The following ZNF532 variants were observed in gnomAD, a reference collection of about 807,000 sequenced individuals.
ZNF532 encodes the protein zinc finger protein 532.
ZNF532 carries 22 observed loss-of-function variants against 89.3 expected under a neutral mutation model. The ratio of observed to expected loss-of-function variants is 0.25; its 90% CI spans 0.18 to 0.35. The LOEUF (loss-of-function observed/expected upper bound fraction) is 0.35. Ranked by LOEUF, ZNF532 falls within the 10% of genes least tolerant of loss-of-function variation. The pLI is 1.00. For missense variants in ZNF532, 1,132 were observed against 1,643.4 expected (o/e 0.69, Z 5.38); for synonymous variants, 606 against 649.6 (o/e 0.93, Z 1.02).
intron 7 of ZNF532, among the ~76,000 whole-genome samples, chr18:58,977,161 A>G (rs1365818930): frequency 1.3e-5 from 2 of 152,206 alleles, no homozygotes; most frequent in Non-Finnish European, 2.9e-5. Flanking sequence ...TTTGGATTCA[A>G]GACCCTTTTG....
At chr18:58,933,467 A>G (rs2062123917) in intron 3 of ZNF532, among the ~76,000 whole-genome samples, 1 of 152,186 alleles carries the variant, frequency 6.6e-6, no homozygotes, top group African/African-American at 2.4e-5. Context: ...GCAAGAATCT[A>G]TATTTTGAGA....
At chr18:58,978,347 AGAGATT>A (rs2067291156) in intron 7 of ZNF532, among the ~76,000 whole-genome samples, 4 of 152,204 alleles carry the variant, frequency 2.6e-5, no homozygotes, top group Admixed American at 2.6e-4. Flanking sequence ...AAGGGTAGCC[AGAGATT>A]TCATTTAACA....
At chr18:58,957,924 G>A (rs2064958575) in intron 7 of ZNF532, among the ~76,000 whole-genome samples, 1 of 152,114 alleles carries the variant, frequency 6.6e-6, no homozygotes, top group South Asian at 2.1e-4. Context: ...AATGAGCTGG[G>A]CATAGTGGCA....
At chr18:58,866,589 A>C (rs945194977) in intron 2 of ZNF532, among the ~76,000 whole-genome samples, 1 of 152,160 alleles carries the variant, frequency 6.6e-6, no homozygotes, top group African/African-American at 2.4e-5. Context: ...CTGAAAATAA[A>C]ATTTTCCCCT....
At chr18:58,890,277 T>C (rs1018648688) in intron 2 of ZNF532, among the ~76,000 whole-genome samples, 2 of 151,642 alleles carry the variant, frequency 1.3e-5, no homozygotes, top group Non-Finnish European at 2.9e-5. Flanking sequence ...CACATACATA[T>C]ATATATATAC....
At chr18:58,908,347 A>G (rs1248476514) in intron 2 of ZNF532, among the ~76,000 whole-genome samples, 3 of 152,326 alleles carry the variant, frequency 2.0e-5, no homozygotes, top group African/African-American at 2.4e-5. Flanking sequence ...TCCATAGACA[A>G]TTTATTTCAG....
At chr18:58,971,994 A>G (rs2066518353) in intron 7 of ZNF532, among the ~76,000 whole-genome samples, 1 of 152,182 alleles carries the variant, frequency 6.6e-6, no homozygotes, top group Non-Finnish European at 1.5e-5. Context: ...ACCTGAGGTA[A>G]GAAGTTTGAG....
At chr18:58,869,566 T>A (rs2056790313) in intron 2 of ZNF532, among the ~76,000 whole-genome samples, 2 of 152,224 alleles carry the variant, frequency 1.3e-5, no homozygotes, top group Admixed American at 1.3e-4. Flanking sequence ...GTTGAAATCT[T>A]AGTTGTGTGT....
chr18:58,876,525 C>T (rs1204341795), intron 2 of ZNF532, among the ~76,000 whole-genome samples: 1 of 152,144 alleles, frequency 6.6e-6, no homozygotes, highest in Non-Finnish European at 1.5e-5. Flanking sequence ...TTTTTTTGAT[C>T]ACAGATGCCC....
chr18:58,883,065 T>G (rs560954821), intron 2 of ZNF532, among the ~76,000 whole-genome samples: 2 of 152,344 alleles, frequency 1.3e-5, no homozygotes, highest in South Asian at 2.1e-4. Flanking sequence ...TGTTGGTGTC[T>G]TTGATGAAAT....
chr18:58,869,332 A>G (rs913953366), intron 2 of ZNF532, among the ~76,000 whole-genome samples: 1 of 152,246 alleles, frequency 6.6e-6, no homozygotes, highest in African/African-American at 2.4e-5. Context: ...TCATGATAAT[A>G]GAACACTCTC....
chr18:58,882,601 C>T (rs1209582134), intron 2 of ZNF532, among the ~76,000 whole-genome samples: 1 of 152,158 alleles, frequency 6.6e-6, no homozygotes, highest in Non-Finnish European at 1.5e-5. Flanking sequence ...AACACCATTC[C>T]TGGCTAATTA....
At chr18:58,968,262 G>A (rs117974289) in intron 7 of ZNF532, among the ~76,000 whole-genome samples, 1 of 152,208 alleles carries the variant, frequency 6.6e-6, no homozygotes, top group East Asian at 1.9e-4. Context: ...GCCTGTCTTT[G>A]TCTGCTTTGG....
intron 5 of ZNF532, among the ~76,000 whole-genome samples, chr18:58,942,325 C>CCCTT (rs1568382573): frequency 2.9e-5 from 1 of 34,862 alleles, no homozygotes; most frequent in African/African-American, 1.2e-4. Flanking sequence ...CCTGGCCCCT[C>CCCTT]CCTCCCTCCC....
At chr18:58,941,990 CCCTTCCTT>C (rs74175864) in intron 5 of ZNF532, among the ~76,000 whole-genome samples, 15 of 125,780 alleles carry the variant, frequency 1.2e-4, no homozygotes, top group Admixed American at 4.8e-4. Flanking sequence ...TTCCCTCCTT[CCCTTCCTT>C]CCTTCCTTCT....
rs1268932595 is a variant in ZNF532, at chr18:58,880,758, GCGCA to G, written c.-18+15183_-18+15186del. ...TATTTGAGCCCTCTCATAGGCGCGC[GCGCA>G]CGCGCGCGCGTCTGTGTGTGTGTGT... On this transcript the variant is annotated intron_variant, in intron 2 of 9. Transcript: ENST00000591808. Among the ~76,000 whole-genome samples the G allele has an allele frequency of 1.2e-3, 170 of 137,546 alleles. 3 individuals are homozygous for G. Among genetic ancestry groups the G allele is most frequent in the Middle Eastern group, 3.7e-3 (1 of 272 alleles). 90.2% of individuals were successfully genotyped at this position (137,546 alleles called of 152,430 possible). A position where few individuals can be genotyped will look rare whatever the true frequency, so the allele number is the denominator to read the frequency against.
chr18:58,931,926 T>C (rs977194548), intron 3 of ZNF532, among the ~76,000 whole-genome samples: 9 of 152,000 alleles, frequency 5.9e-5, no homozygotes, highest in African/African-American at 2.2e-4. Flanking sequence ...GGCAACAAAG[T>C]GAGACACTAT....
chr18:58,885,311 T>G (rs1450335290), intron 2 of ZNF532, among the ~76,000 whole-genome samples: 1 of 152,164 alleles, frequency 6.6e-6, no homozygotes, highest in Non-Finnish European at 1.5e-5. Context: ...GTTTTTGTTT[T>G]TTTTAGTTAA....
intron 2 of ZNF532, among the ~76,000 whole-genome samples, chr18:58,884,839 G>A (rs1227480637): frequency 1.3e-5 from 2 of 152,124 alleles, no homozygotes; most frequent in African/African-American, 4.8e-5. Context: ...TTTTCTCATT[G>A]TGAAGCTATT....
Sources: gnomAD v4.1 joint callset for allele counts (sites outside exome capture counted in the v4.1 genomes callset) on GRCh38, gnomAD v4.1.1 for gene constraint, MANE v1.5 for transcripts, NCBI Gene and HGNC (gene_info 2026-07-23, HGNC 2026-07-21) for gene names.